Variants in DNAH11 observed in about 807,000 individuals in gnomAD.
DNAH11 encodes axonemal beta dynein heavy chain 11.
In DNAH11, 442 loss-of-function variants were observed where a neutral mutation model predicts 526.0. That is an observed-to-expected ratio of 0.84 (90% CI 0.78 to 0.91). The LOEUF is 0.91. Ranked by LOEUF, DNAH11 falls within the 40% of genes least tolerant of loss-of-function variation. The probability of loss-of-function intolerance (pLI) is 0.00; values close to 1 mark genes in which losing one functional copy is unlikely to be tolerated. For missense variants in DNAH11, 6,989 were observed against 5,448.7 expected (o/e 1.28, Z -8.90); for synonymous variants, 2,461 against 1,935.9 (o/e 1.27, Z -7.12).
chr7:21,635,918 T>A lies in DNAH11; in HGVS notation c.4548T>A (p.Ile1516=). The A allele has an allele frequency of 1.2e-6, 2 of 1,613,316 alleles. No individual in the cohort carries two copies. Among genetic ancestry groups the A allele is most frequent in the Non-Finnish European group, 1.7e-6 (2 of 1,179,576 alleles). ...LLQSKYVEYF[I]EQVLSWQNKL... is the part of the protein sequence containing the mutation. ...AAAGCAAGTATGTAGAATATTTCAT[T>A]GAGCAAGTGTTAAGCTGGCAAAATA... The change falls in exon 26 of 82, where the codon ATT becomes ATA. Residue 1516 remains isoleucine, a synonymous_variant. Coordinates refer to ENST00000409508, the MANE Select transcript of DNAH11 (RefSeq NM_001277115.2).
At chr7:21,629,094 T>A (rs1325996127) in intron 25 of DNAH11, among the ~76,000 whole-genome samples, 1 of 152,116 alleles carries the variant, frequency 6.6e-6, no homozygotes, top group Non-Finnish European at 1.5e-5. Context: ...TAGATTTTGA[T>A]ATGTTTTATT....
At chr7:21,701,792 T>C (rs1583607726) in intron 36 of DNAH11, among the ~76,000 whole-genome samples, 1 of 152,204 alleles carries the variant, frequency 6.6e-6, no homozygotes, top group African/African-American at 2.4e-5. Context: ...CAACCACTTA[T>C]AAAGTAGGTG....
chr7:21,735,163 C>T (rs988721854), intron 45 of DNAH11, among the ~76,000 whole-genome samples: 1 of 152,218 alleles, frequency 6.6e-6, no homozygotes, highest in African/African-American at 2.4e-5. Context: ...GAGCAAGACA[C>T]CGTCTCAGAA....
chr7:21,828,946 T>C lies in DNAH11; in HGVS notation c.10691+10607T>C, dbSNP rs571120329. On this transcript the variant is annotated intron_variant, in intron 65 of 81. Transcript: ENST00000409508. ...CTATTCAGGGTTTTCTTTCCTTCTT[T>C]TCCTTGAGCGTCTTGCCAGCTGTGC... 4.6e-5 allele frequency among the ~76,000 whole-genome samples: 7 copies of C among 152,256 alleles called. No individual in the cohort carries two copies. The South Asian group carries it at 1.5e-3, about 32-fold the overall frequency.
intron 38 of DNAH11, among the ~76,000 whole-genome samples, chr7:21,705,019 T>C (rs976520062): frequency 2.6e-5 from 4 of 152,262 alleles, no homozygotes; most frequent in Non-Finnish European, 5.9e-5. Context: ...ATAACTTAAG[T>C]AGATATTATC....
chr7:21,787,592 C>T lies in DNAH11; in HGVS notation c.9924+9C>T, dbSNP rs773437384. ...TCATTAAATTCTATGAGGTATCAAT[C>T]CTAAATTGATTGTTTACAGATGTTC... On this transcript the variant is annotated intron_variant, in intron 60 of 81. Coordinates refer to ENST00000409508, the MANE Select transcript of DNAH11 (RefSeq NM_001277115.2). 11 of 1,595,462 alleles carry T rather than the reference C, an allele frequency of 6.9e-6. No individual in the cohort carries two copies. The South Asian group carries it at 9.1e-5, about 13-fold the overall frequency.
chr7:21,558,013 T>G (rs59432272), intron 2 of DNAH11, among the ~76,000 whole-genome samples: 72,731 of 152,056 alleles, frequency 0.48, 18,103 homozygotes, highest in East Asian at 0.77. Context: ...CAGCTTTTTG[T>G]TTAACTAGAA....
intron 2 of DNAH11, among the ~76,000 whole-genome samples, chr7:21,549,017 G>A (rs1782915489): frequency 1.3e-5 from 2 of 152,076 alleles, no homozygotes; most frequent in Non-Finnish European, 2.9e-5. Flanking sequence ...GGGTAGCTGG[G>A]ATTACAGGCA....
chr7:21,822,096 C>T (rs1381886639), intron 65 of DNAH11, among the ~76,000 whole-genome samples: 1 of 152,066 alleles, frequency 6.6e-6, no homozygotes, highest in Non-Finnish European at 1.5e-5. Context: ...AATTTCTTTA[C>T]CCATTTGTAT....
In DNAH11 at chr7:21,617,595, G is replaced by A. The variant is rs748036319; in HGVS notation, c.4096-24G>A. Reference sequence around the variant, plus strand: ...TACTGTGTTATATCTTGGGAGCTAGGTTTTTTCCTCCACTTTTCTTTAGGA... The same window carrying A: ...TACTGTGTTATATCTTGGGAGCTAGATTTTTTCCTCCACTTTTCTTTAGGA... On this transcript the variant is annotated intron_variant, in intron 22 of 81. Transcript: ENST00000409508. 1.6e-5 allele frequency: 26 copies of A among 1,612,790 alleles called. No homozygotes were observed. The South Asian group carries it at 1.8e-4, about 11-fold the overall frequency.
chr7:21,848,325 T>C (rs1782499271), intron 66 of DNAH11, among the ~76,000 whole-genome samples: 1 of 122,256 alleles, frequency 8.2e-6, no homozygotes, highest in African/African-American at 2.7e-5. Flanking sequence ...GCATGGTATA[T>C]CTTTCTCCAT....
rs368988134 is a variant in DNAH11, at chr7:21,801,238, C to A, written c.10128C>A (p.Ile3376=). The change falls in exon 62 of 82, where the codon ATC becomes ATA. Residue 3376 remains isoleucine (I), a synonymous_variant. Transcript: ENST00000409508. Reference sequence around the variant, plus strand: ...AGGTGAACCAAACCAACAAAACCATCAAATTAGCTAACAGACTTGTCAAGG... The same window carrying A: ...AGGTGAACCAAACCAACAAAACCATAAAATTAGCTAACAGACTTGTCAAGG... ...QEEVNQTNKT[I]KLANRLVKEL... 2.4e-5 allele frequency: 39 copies of A among 1,613,892 alleles called. No homozygotes were observed. In the African/African-American group the frequency reaches 4.8e-4, roughly 20 times the overall value.
At chr7:21,708,755 C>T (rs76983606) in intron 40 of DNAH11, among the ~76,000 whole-genome samples, 22 of 152,234 alleles carry the variant, frequency 1.4e-4, no homozygotes, top group African/African-American at 2.4e-4. Context: ...ATGTTCCTGC[C>T]GTCGGCAACA....
chr7:21,855,170 T>C (rs1409709404), intron 68 of DNAH11, among the ~76,000 whole-genome samples: 3 of 151,984 alleles, frequency 2.0e-5, no homozygotes. Context: ...TAGCTGGGAC[T>C]ACAGGTGTCC....
chr7:21,789,914 CCCTT>C (rs988249492), intron 61 of DNAH11, among the ~76,000 whole-genome samples: 4 of 129,170 alleles, frequency 3.1e-5, no homozygotes, highest in Non-Finnish European at 4.8e-5. Flanking sequence ...CTCCCTCCCT[CCCTT>C]CCTTCCTTCA....
chr7:21,804,145 G>A (rs1488392831), intron 62 of DNAH11, among the ~76,000 whole-genome samples: 2 of 152,022 alleles, frequency 1.3e-5, no homozygotes, highest in East Asian at 1.9e-4. Context: ...GTCTTGCTCT[G>A]TTGCCCAGGC....
intron 20 of DNAH11, among the ~76,000 whole-genome samples, chr7:21,609,187 C>CTTCCT (rs1785417885): frequency 6.6e-6 from 1 of 151,924 alleles, no homozygotes; most frequent in South Asian, 2.1e-4. Context: ...CTGGGTATTT[C>CTTCCT]TTCCTTTCCT....
chr7:21,745,211 G>A lies in DNAH11; in HGVS notation c.8510+148G>A, dbSNP rs151023409. ...TATAATTTTAAAATATAAAAGGGTC[G>A]CTTTTTAATGTCACAATCTTAATAA... On this transcript the variant is annotated intron_variant, in intron 51 of 81. Transcript: ENST00000409508. 222 of 805,162 alleles carry A rather than the reference G, an allele frequency of 2.8e-4. 2 individuals are homozygous for A. In the East Asian group the frequency reaches 5.8e-3, roughly 21 times the overall value. The allele number at this position is 805,162 out of a possible 1,614,324, so 49.9% of individuals were successfully genotyped here.
chr7:21,900,674 G>A (rs531215703), intron 81 of DNAH11, among the ~76,000 whole-genome samples: 18 of 152,292 alleles, frequency 1.2e-4, no homozygotes, highest in East Asian at 1.9e-4. Context: ...AATAAGGTGC[G>A]ACGGGGAGGA....
Sources: gnomAD v4.1 joint callset for allele counts (sites outside exome capture counted in the v4.1 genomes callset) on GRCh38, gnomAD v4.1.1 for gene constraint, MANE v1.5 for transcripts, NCBI Gene and HGNC (gene_info 2026-07-23, HGNC 2026-07-21) for gene names.